PLCZ1: variants seen among roughly 807,000 people sequenced by gnomAD.
PLCZ1 encodes 1-phosphatidylinositol 4,5-bisphosphate phosphodiesterase zeta-1.
Under a neutral mutation model 76.8 loss-of-function variants are expected in PLCZ1, and 64 were observed. The ratio of observed to expected loss-of-function variants is 0.83; its 90% confidence interval spans 0.68 to 1.03. The LOEUF (loss-of-function observed/expected upper bound fraction) is 1.03. PLCZ1 is among the 50% of genes least tolerant of loss of function. The pLI is 0.00. For synonymous variants in PLCZ1, 248 were observed against 230.8 expected (o/e 1.07, Z -0.68); for missense variants, 751 against 713.7 (o/e 1.05, Z -0.60).
In PLCZ1 at chr12:18,684,288, T is replaced by TA. The variant is rs573732314; in HGVS notation, c.1592-10dup. Reference sequence around the variant, plus strand: ...CCATCTTGGACTAAAAGCTGAAATATAAAAAAAGAAGATACAAAGAATAAT... The same window carrying TA: ...CCATCTTGGACTAAAAGCTGAAATATAAAAAAAAGAAGATACAAAGAATAAT... On this transcript the variant is annotated splice_polypyrimidine_tract_variant and intron_variant, in intron 13 of 14. Coordinates refer to ENST00000266505, the MANE Select transcript of PLCZ1 (RefSeq NM_033123.4). The TA allele has an allele frequency of 3.6e-4, 570 of 1,594,462 alleles. 2 individuals are homozygous for TA. The Middle Eastern group carries it at 3.9e-3, about 11-fold the overall frequency.
chr12:18,702,720 T>C (rs1956104648), intron 7 of PLCZ1, among the ~76,000 whole-genome samples: 1 of 152,072 alleles, frequency 6.6e-6, no homozygotes, highest in African/African-American at 2.4e-5. Context: ...AATAAGGGAA[T>C]CAGAATCTTG....
the PLCZ1 span, among the ~76,000 whole-genome samples, chr12:18,650,704 G>GTGTATATATATA: frequency 1.7e-5 from 1 of 57,762 alleles, no homozygotes; most frequent in Non-Finnish European, 4.0e-5. Context: ...GTGTGTGTGT[G>GTGTATATATATA]TATATATCTA....
chr12:18,650,706 A>ATATATCTATATC, the PLCZ1 span, among the ~76,000 whole-genome samples: 1 of 8,368 alleles, frequency 1.2e-4, no homozygotes, highest in African/African-American at 4.8e-4. Context: ...GTGTGTGTGT[A>ATATATCTATATC]TATATCTATA....
rs1252644430 is a variant in PLCZ1 at position 18,684,047 on chromosome 12, A to G, written c.1741+83T>C. The G allele has an allele frequency of 4.8e-6, 7 of 1,463,538 alleles. 1 individual carries two copies. The highest frequency in any genetic ancestry group is 1.8e-5 in the Admixed American group (1 of 56,452). The allele number at this position is 1,463,538 out of a possible 1,614,324, so 90.7% of individuals were successfully genotyped here. On this transcript the variant is annotated intron_variant, in intron 14 of 14. Transcript: ENST00000266505. ...TTACATCCTACTTTATGATAGAGCT[A>G]TTTGGTATGTCAAAATGTGTCTTTG...
chr12:18,654,824 A>G, the PLCZ1 span, among the ~76,000 whole-genome samples: 3 of 152,178 alleles, frequency 2.0e-5, no homozygotes, highest in African/African-American at 7.2e-5. Flanking sequence ...CACCGACTTC[A>G]TCTCTCTTAA....
At chr12:18,657,104 G>A in the PLCZ1 span, among the ~76,000 whole-genome samples, 51 of 152,154 alleles carry the variant, frequency 3.4e-4, no homozygotes, top group Admixed American at 2.2e-3. Context: ...TTATTTTAAC[G>A]AACTCAAATC....
intron 3 of PLCZ1, among the ~76,000 whole-genome samples, chr12:18,729,644 A>C (rs1406733733): frequency 3.3e-5 from 5 of 152,136 alleles, no homozygotes; most frequent in Non-Finnish European, 5.9e-5. Context: ...TCCAACACTC[A>C]TACTGTGTAT....
chr12:18,712,305 A>G (rs1592206474), intron 6 of PLCZ1, among the ~76,000 whole-genome samples: 2 of 152,200 alleles, frequency 1.3e-5, no homozygotes, highest in African/African-American at 4.8e-5. Context: ...TTTATAGAGT[A>G]GGATTCATAA....
chr12:18,723,191 C>A (rs1047854071), intron 4 of PLCZ1, 120 bp downstream of exon 4: 49 of 863,114 alleles, frequency 5.7e-5, no homozygotes, highest in Non-Finnish European at 8.2e-5. Flanking sequence ...TTGACCCATC[C>A]AAAAACGGTA....
chr12:18,702,367 T>G (rs1018594435), intron 7 of PLCZ1, among the ~76,000 whole-genome samples: 4 of 152,202 alleles, frequency 2.6e-5, no homozygotes, highest in African/African-American at 2.4e-5. Context: ...TGTTCTAAAT[T>G]TGAAGGCTTC....
chr12:18,669,480 T>C, the PLCZ1 span, among the ~76,000 whole-genome samples: 1 of 152,204 alleles, frequency 6.6e-6, no homozygotes, highest in Non-Finnish European at 1.5e-5. Flanking sequence ...ACTGCTATAA[T>C]AAAAATACCA....
intron 10 of PLCZ1, among the ~76,000 whole-genome samples, chr12:18,698,735 G>A (rs1955474278): frequency 1.3e-5 from 2 of 152,132 alleles, no homozygotes. Context: ...ATCAGGATAA[G>A]TGGTGTATCC....
intron 4 of PLCZ1, among the ~76,000 whole-genome samples, chr12:18,719,923 G>A (rs1228056232): frequency 1.3e-5 from 2 of 151,814 alleles, no homozygotes; most frequent in Non-Finnish European, 2.9e-5. Context: ...AATGAACTTC[G>A]ACAAGCTACA....
At chr12:18,686,575 T>G (rs1953185975) in intron 13 of PLCZ1, among the ~76,000 whole-genome samples, 2 of 152,076 alleles carry the variant, frequency 1.3e-5, no homozygotes, top group Admixed American at 1.3e-4. Context: ...TATTATGGCT[T>G]CTGCCTTAAA....
rs1199483038 is a variant in PLCZ1, at chr12:18,692,971, T to G, written c.1461+1939A>C. 3.5e-6 allele frequency: 5 copies of G among 1,433,654 alleles called. No individual in the cohort carries two copies. The African/African-American group carries it at 7.0e-5, about 20-fold the overall frequency. The allele number at this position is 1,433,654 out of a possible 1,614,324, so 88.8% of individuals were successfully genotyped here. ...CAGTGCCAGTTAAAATTACTGAAGT[T>G]AGAGAGAATTAAAGACTATCTTCTC... On this transcript the variant is annotated intron_variant, in intron 12 of 14. Coordinates refer to ENST00000266505, the MANE Select transcript of PLCZ1 (RefSeq NM_033123.4).
intron 4 of PLCZ1, among the ~76,000 whole-genome samples, chr12:18,721,401 G>T (rs537051654): frequency 9.9e-5 from 15 of 152,110 alleles, no homozygotes; most frequent in African/African-American, 3.6e-4. Context: ...GAAATGCAAG[G>T]TCCTGGCTGT....
the PLCZ1 span, among the ~76,000 whole-genome samples, chr12:18,650,327 C>CTATA: frequency 7.1e-3 from 561 of 79,510 alleles, 6 homozygotes; most frequent in African/African-American, 0.021. Flanking sequence ...CTCTCTCTCT[C>CTATA]TCTCTATATA....
Position 18,694,924 on chromosome 12 carries a change from T to C in PLCZ1, c.1447A>G (p.Thr483Ala), listed in dbSNP as rs1229065080. Residue 483 changes from threonine to alanine, a missense_variant, in exon 12 of 15, where the codon ACA (threonine) becomes GCA (alanine). Thr to Ala is a moderately conservative substitution (Grantham distance 58, BLOSUM62 0). Coordinates refer to ENST00000266505, the MANE Select transcript of PLCZ1 (RefSeq NM_033123.4). ...ATTAATCTTACCCTTATTGTAAGTG[T>C]AATTGGCATACCCTCTTTTATGTTA... ...PSNIKEGMPITLTIRLISGIQ... is the reference protein window; with the variant it reads ...PSNIKEGMPIALTIRLISGIQ... 1.9e-6 allele frequency: 3 copies of C among 1,596,646 alleles called. No individual in the cohort carries two copies. The highest frequency in any genetic ancestry group is 2.7e-5 in the African/African-American group (2 of 74,428).
intron 10 of PLCZ1, among the ~76,000 whole-genome samples, chr12:18,699,090 C>G (rs1475040051): frequency 2.0e-5 from 3 of 152,126 alleles, no homozygotes; most frequent in African/African-American, 7.2e-5. Flanking sequence ...AACAGAATAA[C>G]CACCTCAGTT....
Sources: gnomAD v4.1 joint callset for allele counts (sites outside exome capture counted in the v4.1 genomes callset) on GRCh38, gnomAD v4.1.1 for gene constraint, MANE v1.5 for transcripts, NCBI Gene and HGNC (gene_info 2026-07-23, HGNC 2026-07-21) for gene names.